TRPC5: variants seen among roughly 807,000 people sequenced by gnomAD.
TRPC5 encodes transient receptor potential cation channel subfamily C member 5.
Under a neutral mutation model 56.5 loss-of-function variants are expected in TRPC5, and 9 were observed. That is an observed-to-expected ratio of 0.16 (90% CI 0.10 to 0.28). The LOEUF is 0.28. TRPC5 is among the 10% of genes least tolerant of loss of function. The probability of loss-of-function intolerance (pLI) is 1.00; values close to 1 mark genes in which losing one functional copy is unlikely to be tolerated. For missense variants in TRPC5, 469 were observed against 748.9 expected (o/e 0.63, Z 4.36); for synonymous variants, 282 against 278.5 (o/e 1.01, Z -0.13).
intron 1 of TRPC5, among the ~76,000 whole-genome samples, chrX:112,040,850 A>T (rs773567785): frequency 8.9e-6 from 1 of 112,231 alleles, no homozygotes; most frequent in South Asian, 3.7e-4. Flanking sequence ...GGATTCAAGT[A>T]TAAGTAGTTT....
intron 1 of TRPC5, among the ~76,000 whole-genome samples, chrX:112,048,240 G>T (rs772311049): frequency 1.8e-4 from 20 of 110,797 alleles, no homozygotes; most frequent in Non-Finnish European, 3.4e-4. Flanking sequence ...AAAAGGGAGG[G>T]GAATACAAAA....
rs758926916 is a variant in TRPC5, at chrX:111,787,705, A to G, written c.1897-5567T>C. Among the ~76,000 whole-genome samples, 7 of 111,656 alleles carry G rather than the reference A, an allele frequency of 6.3e-5. No homozygotes were observed. In the South Asian group the frequency reaches 1.5e-3, roughly 24 times the overall value. On this transcript the variant is annotated intron_variant, in intron 7 of 10. Coordinates refer to ENST00000262839, the MANE Select transcript of TRPC5 (RefSeq NM_012471.3). ...AAGAAAAGAGAGAAGAATCAAATCG[A>G]TGCAATAAAAAACGATAAAGGGGAT...
At chrX:112,035,094 A>ATTT (rs1569529914) in intron 1 of TRPC5, among the ~76,000 whole-genome samples, 23 of 103,859 alleles carry the variant, frequency 2.2e-4, no homozygotes, top group African/African-American at 8.1e-4. Flanking sequence ...TTTTTTAAAA[A>ATTT]AAAAAAAATG....
chrX:111,821,476 G>A (rs1922028491), intron 7 of TRPC5, among the ~76,000 whole-genome samples: 1 of 111,545 alleles, frequency 9.0e-6, no homozygotes, highest in African/African-American at 3.3e-5. Context: ...GCAGTGGGTT[G>A]TAATCTTTGA....
At chrX:112,043,718 CTTT>C (rs1157880243) in intron 1 of TRPC5, among the ~76,000 whole-genome samples, 1 of 108,223 alleles carries the variant, frequency 9.2e-6, no homozygotes, top group Admixed American at 9.9e-5. Flanking sequence ...TTTCCTCATT[CTTT>C]AAGTCCTTTC....
At chrX:112,075,719 G>C (rs1386360124) in intron 1 of TRPC5, among the ~76,000 whole-genome samples, 1 of 111,833 alleles carries the variant, frequency 8.9e-6, no homozygotes, top group Non-Finnish European at 1.9e-5. Context: ...TTGGCCAGCT[G>C]AGTTCCCCCT....
At chrX:111,778,228 C>T (rs779477702) in intron 10 of TRPC5, among the ~76,000 whole-genome samples, 58 of 111,175 alleles carry the variant, frequency 5.2e-4, no homozygotes, top group Non-Finnish European at 1.0e-3. Context: ...CAAACCACCA[C>T]GGCACATGTA....
intron 1 of TRPC5, among the ~76,000 whole-genome samples, chrX:112,064,144 A>T (rs1483602910): frequency 8.9e-6 from 1 of 112,046 alleles, no homozygotes. Flanking sequence ...AGTATTGGAA[A>T]CTAGAGCCCA....
chrX:111,856,417 T>C (rs1923229428), intron 3 of TRPC5, among the ~76,000 whole-genome samples: 1 of 108,119 alleles, frequency 9.2e-6, no homozygotes, highest in African/African-American at 3.4e-5. Flanking sequence ...GCGTGTACCT[T>C]AATCCCAGCT....
chrX:111,990,590 G>T (rs762778842), intron 1 of TRPC5, among the ~76,000 whole-genome samples: 14 of 111,194 alleles, frequency 1.3e-4, no homozygotes, highest in African/African-American at 3.3e-5. Flanking sequence ...ATCTCCAGGA[G>T]CCCACTTTGG....
intron 7 of TRPC5, among the ~76,000 whole-genome samples, chrX:111,804,627 G>A (rs1331469023): frequency 4.5e-5 from 5 of 111,463 alleles, no homozygotes; most frequent in Admixed American, 9.6e-5. Context: ...GTGAATGGGA[G>A]TTCACTCATG....
chrX:111,822,439 A>G (rs776344024), intron 7 of TRPC5, among the ~76,000 whole-genome samples: 1 of 112,453 alleles, frequency 8.9e-6, no homozygotes, highest in Non-Finnish European at 1.9e-5. Context: ...TATGTTTGCT[A>G]ATATATGCTT....
At chrX:111,889,669 CA>C (rs1305845965) in intron 3 of TRPC5, among the ~76,000 whole-genome samples, 1 of 111,445 alleles carries the variant, frequency 9.0e-6, no homozygotes, top group Non-Finnish European at 1.9e-5. Flanking sequence ...ATGAAATCCT[CA>C]AGGGGAAAGG....
intron 1 of TRPC5, among the ~76,000 whole-genome samples, chrX:112,024,438 T>C (rs759153865): frequency 8.9e-6 from 1 of 111,938 alleles, no homozygotes; most frequent in South Asian, 3.8e-4. Flanking sequence ...TTTTCCTACC[T>C]GCAGACTTGA....
intron 1 of TRPC5, among the ~76,000 whole-genome samples, chrX:112,004,929 C>G (rs937508476): frequency 9.0e-6 from 1 of 111,033 alleles, no homozygotes; most frequent in Non-Finnish European, 1.9e-5. Flanking sequence ...AACATGGACA[C>G]CAGGAAATTG....
chrX:111,959,312 T>G (rs1927314954), intron 1 of TRPC5, among the ~76,000 whole-genome samples: 1 of 111,996 alleles, frequency 8.9e-6, no homozygotes, highest in African/African-American at 3.2e-5. Context: ...ACAGAGTTAT[T>G]TATACTATTT....
intron 3 of TRPC5, among the ~76,000 whole-genome samples, chrX:111,910,614 C>T (rs181107978): frequency 2.9e-4 from 33 of 112,615 alleles, no homozygotes; most frequent in African/African-American, 9.0e-4. Context: ...TTATTGCAAC[C>T]TCTGCCTCCC....
intron 2 of TRPC5, among the ~76,000 whole-genome samples, chrX:111,950,470 A>T (rs187227349): frequency 2.8e-4 from 31 of 112,255 alleles, no homozygotes; most frequent in Non-Finnish European, 5.1e-4. Flanking sequence ...AAGGATGCAA[A>T]GGCATAAGAA....
At chrX:111,843,682 A>T (rs1175544869) in intron 6 of TRPC5, among the ~76,000 whole-genome samples, 1 of 111,158 alleles carries the variant, frequency 9.0e-6, no homozygotes, top group Non-Finnish European at 1.9e-5. Flanking sequence ...TATGGAGAAG[A>T]TTCAGATATT....
Sources: allele counts gnomAD v4.1 joint callset (sites outside exome capture counted in the v4.1 genomes callset), GRCh38; gene constraint gnomAD v4.1.1; transcripts MANE v1.5; gene names NCBI Gene and HGNC (gene_info 2026-07-23, HGNC 2026-07-21).